The following SEPTIN11 variants were observed in gnomAD, a reference collection of about 807,000 sequenced individuals.
The protein encoded by SEPTIN11 is septin-11.
In SEPTIN11, 25 loss-of-function variants were observed where a neutral mutation model predicts 51.4. That is an observed-to-expected ratio of 0.49 (90% confidence interval 0.35 to 0.68). The LOEUF (loss-of-function observed/expected upper bound fraction) is 0.68. Among genes scored for constraint, SEPTIN11 ranks in the 30% least tolerant of loss-of-function variants. The pLI is 0.00. For missense variants in SEPTIN11, 381 were observed against 520.8 expected (o/e 0.73, Z 2.61); for synonymous variants, 174 against 184.1 (o/e 0.95, Z 0.44).
At chr4:76,950,865 C>T (rs929650277) in intron 1 of SEPTIN11, among the ~76,000 whole-genome samples, 1 of 152,140 alleles carries the variant, frequency 6.6e-6, no homozygotes, top group Non-Finnish European at 1.5e-5. Flanking sequence ...TTGAAAGGAG[C>T]GGAGCTGGGT....
intron 1 of SEPTIN11, among the ~76,000 whole-genome samples, chr4:76,968,325 G>C (rs1560698535): frequency 6.6e-6 from 1 of 152,070 alleles, no homozygotes; most frequent in Non-Finnish European, 1.5e-5. Context: ...GGGAATTGAG[G>C]CTTAAATTTC....
chr4:77,039,297 A>C, downstream of SEPTIN11: 1 of 1,099,048 alleles, frequency 9.1e-7, no homozygotes, highest in Non-Finnish European at 1.1e-6. Flanking sequence ...ACTACCAAAA[A>C]TAGTCATATT....
intron 2 of SEPTIN11, 145 bp from the exon 3 acceptor site, chr4:77,005,456 G>C: frequency 1.5e-6 from 1 of 677,652 alleles, no homozygotes; most frequent in Non-Finnish European, 2.4e-6. Context: ...CACATAGAAA[G>C]AATTATCTCT....
intron 7 of SEPTIN11, chr4:77,020,917 C>T: frequency 2.2e-6 from 1 of 458,278 alleles, no homozygotes; most frequent in Non-Finnish European, 3.9e-6. Flanking sequence ...AAAGTGTAAA[C>T]AAACTGCCCA....
chr4:76,996,325 A>T, intron 1 of SEPTIN11, 100 bp from the exon 2 acceptor site: 3 of 893,962 alleles, frequency 3.4e-6, no homozygotes, highest in Admixed American at 2.1e-5. Flanking sequence ...TTTTCCATGT[A>T]TGTCAAGGGA....
At chr4:77,002,827 G>A (rs1464680288) in intron 2 of SEPTIN11, among the ~76,000 whole-genome samples, 2 of 151,826 alleles carry the variant, frequency 1.3e-5, no homozygotes, top group African/African-American at 4.8e-5. Flanking sequence ...CTCAACTGCT[G>A]CACAGCCAGA....
intron 1 of SEPTIN11, among the ~76,000 whole-genome samples, chr4:76,960,404 C>T (rs1010386122): frequency 8.5e-5 from 13 of 152,098 alleles, no homozygotes; most frequent in African/African-American, 3.1e-4. Context: ...CAAATTTGCT[C>T]CTTCAGAAAC....
At chr4:77,003,785 A>G (rs750102359) in intron 2 of SEPTIN11, among the ~76,000 whole-genome samples, 26 of 152,188 alleles carry the variant, frequency 1.7e-4, no homozygotes, top group Non-Finnish European at 2.8e-4. Flanking sequence ...AGATTTTGTC[A>G]TTATAGTGGG....
At chr4:76,954,467 C>T (rs987177434) in intron 1 of SEPTIN11, among the ~76,000 whole-genome samples, 4 of 152,168 alleles carry the variant, frequency 2.6e-5, no homozygotes, top group South Asian at 4.1e-4. Context: ...TAACCTCCCC[C>T]GCCCCCTTTT....
chr4:77,005,540 A>G (rs1423118333), intron 2 of SEPTIN11, 61 bp from the exon 3 acceptor site: 10 of 1,424,122 alleles, frequency 7.0e-6, no homozygotes, highest in South Asian at 1.3e-5. Flanking sequence ...ATACTGATGA[A>G]TTGAACTGAT....
intron 1 of SEPTIN11, among the ~76,000 whole-genome samples, chr4:76,950,174 A>G (rs1721266615): frequency 6.6e-6 from 1 of 152,084 alleles, no homozygotes; most frequent in African/African-American, 2.4e-5. Context: ...GCGAAAGAAA[A>G]AGGACCCCTC....
intron 5 of SEPTIN11, among the ~76,000 whole-genome samples, chr4:77,016,613 CACATATATATATATAT>C (rs1392995945): frequency 1.2e-4 from 7 of 59,260 alleles, no homozygotes; most frequent in Admixed American, 4.1e-4. Flanking sequence ...TATATATATA[CACATATATATATATAT>C]ACACATATAT....
chr4:77,029,883 G>T (rs974869758), intron 8 of SEPTIN11, among the ~76,000 whole-genome samples: 14 of 151,652 alleles, frequency 9.2e-5, no homozygotes, highest in African/African-American at 2.9e-4. Flanking sequence ...ATATTTCTAA[G>T]TAAATGTTTT....
At position 77,005,676 on chromosome 4, in the gene SEPTIN11, A is replaced by G. The variant is rs747135234; in HGVS notation, c.218A>G (p.His73Arg). Residue 73 changes from histidine (H) to arginine (R), a missense_variant, in exon 3 of 10, where the codon CAC becomes CGC. Transcript: ENST00000264893. The part of the protein sequence containing the change: ...NTKFESDPAT[H>R]NEPGVRLKAR... ...AAATTTGAAAGTGACCCAGCTACTC[A>G]CAATGAACCAGGTGTTCGGTTAAAA... The G allele has an allele frequency of 6.2e-7, 1 of 1,614,096 alleles. No individual in the cohort carries two copies. Among genetic ancestry groups the G allele is most frequent in the South Asian group, 1.1e-5 (1 of 91,078 alleles).
chr4:77,006,599 A>G (rs1398523838), intron 3 of SEPTIN11, among the ~76,000 whole-genome samples: 1 of 152,170 alleles, frequency 6.6e-6, no homozygotes, highest in Non-Finnish European at 1.5e-5. Flanking sequence ...GCTTCCAGAA[A>G]CATCTTTGAG....
chr4:76,955,761 A>G (rs1721533798), intron 1 of SEPTIN11, among the ~76,000 whole-genome samples: 1 of 152,204 alleles, frequency 6.6e-6, no homozygotes, highest in African/African-American at 2.4e-5. Context: ...ATGAAGACTG[A>G]CAGAGGACAC....
chr4:77,031,602 T>C (rs1293297848), intron 9 of SEPTIN11: 1 of 152,238 alleles, frequency 6.6e-6, no homozygotes, highest in East Asian at 1.9e-4. Context: ...GATTCTGCTC[T>C]TGAGTTGGTC....
At chr4:76,971,939 A>G (rs367717972) in intron 1 of SEPTIN11, among the ~76,000 whole-genome samples, 4 of 152,332 alleles carry the variant, frequency 2.6e-5, no homozygotes, top group East Asian at 3.9e-4. Flanking sequence ...ATGAGGATGT[A>G]AGCTATTTTT....
intron 4 of SEPTIN11, among the ~76,000 whole-genome samples, chr4:77,014,456 G>A (rs1725075418): frequency 6.6e-6 from 1 of 152,100 alleles, no homozygotes; most frequent in African/African-American, 2.4e-5. Context: ...AAGTTCCTTT[G>A]TTATCACTAT....
Sources: allele counts gnomAD v4.1 joint callset (sites outside exome capture counted in the v4.1 genomes callset), GRCh38; gene constraint gnomAD v4.1.1; transcripts MANE v1.5; gene names NCBI Gene and HGNC (gene_info 2026-07-23, HGNC 2026-07-21).